Variants in PCBP3 observed in about 807,000 individuals in gnomAD.
PCBP3 encodes poly(rC) binding protein 3, also known as poly(rC)-binding protein 3.
A neutral mutation model predicts 52.7 loss-of-function variants in PCBP3; 25 were observed. The observed-to-expected ratio is 0.47, with a 90% CI of 0.35 to 0.66. The LOEUF is 0.66. Ranked by LOEUF, PCBP3 falls within the 30% of genes least tolerant of loss-of-function variation. The pLI is 0.01. For synonymous variants in PCBP3, 162 were observed against 183.0 expected (o/e 0.89, Z 0.93); for missense variants, 391 against 490.3 (o/e 0.80, Z 1.91).
At chr21:45,882,130 A>G (rs777492551) in intron 5 of PCBP3, among the ~76,000 whole-genome samples, 11 of 152,144 alleles carry the variant, frequency 7.2e-5, no homozygotes, top group Non-Finnish European at 1.6e-4. Context: ...TAATGACTGT[A>G]CTAAGTTTCC....
At chr21:45,645,709 G>T (rs902619126) in intron 1 of PCBP3, among the ~76,000 whole-genome samples, 1 of 152,190 alleles carries the variant, frequency 6.6e-6, no homozygotes, top group African/African-American at 2.4e-5. Flanking sequence ...TAGCTATTCA[G>T]ATTTGGATTC....
rs1194455480 is a variant in PCBP3, at chr21:45,821,581, C to G, written c.-125-28380C>G. 6.6e-6 allele frequency among the ~76,000 whole-genome samples: 1 copy of G among 152,056 alleles called. No individual in the cohort carries two copies. The highest frequency in any genetic ancestry group is 1.5e-5 in the Non-Finnish European group (1 of 67,996). On this transcript the variant is annotated intron_variant, in intron 4 of 17. Coordinates refer to ENST00000681687, the MANE Select transcript of PCBP3 (RefSeq NM_001384156.1). The surrounding 1 kb of genome is among the most constrained non-coding windows in gnomAD (Gnocchi z 4.4). ...GTGGGCCCCGCCCCCTCCCCTAACT[C>G]ATTTCTAGAACTCTCTTCCTCACCT...
At chr21:45,839,915 G>C (rs2093663965) in intron 4 of PCBP3, among the ~76,000 whole-genome samples, 1 of 151,972 alleles carries the variant, frequency 6.6e-6, no homozygotes, top group African/African-American at 2.4e-5. Context: ...TCAAACTCCT[G>C]ACCTCAAGTG....
rs987466643 is a variant in PCBP3, at chr21:45,656,807, A to G, written c.-278-12067A>G. Among the ~76,000 whole-genome samples the G allele has an allele frequency of 1.3e-5, 2 of 151,784 alleles. No individual in the cohort carries two copies. The highest frequency in any genetic ancestry group is 6.6e-5 in the Admixed American group (1 of 15,232). On this transcript the variant is annotated intron_variant, in intron 1 of 17. Transcript: ENST00000681687. The surrounding 1 kb of genome is among the most constrained non-coding windows in gnomAD (Gnocchi z 4.3). ...TGCAAATATTTTCCCTCCAACTGTG[A>G]GTAGTCTTTTCATTTTCTTTTCTTT...
chr21:45,910,704 A>G (rs984513121), intron 10 of PCBP3, among the ~76,000 whole-genome samples, 198 bp from the exon 11 acceptor site: 2 of 151,708 alleles, frequency 1.3e-5, no homozygotes, highest in Non-Finnish European at 2.9e-5. Context: ...GGGAAGGCAC[A>G]GGGCCGGGTG....
At chr21:45,651,925 A>T (rs2079541657) in intron 1 of PCBP3, among the ~76,000 whole-genome samples, 1 of 152,130 alleles carries the variant, frequency 6.6e-6, no homozygotes, top group South Asian at 2.1e-4. Flanking sequence ...TGTTTTCTTA[A>T]CCCTGTTTGC....
chr21:45,764,906 G>A (rs1223263624), intron 4 of PCBP3, among the ~76,000 whole-genome samples: 1 of 152,310 alleles, frequency 6.6e-6, no homozygotes, highest in Non-Finnish European at 1.5e-5. Flanking sequence ...GCTCTTGGAA[G>A]GGGGGAGGTC....
At chr21:45,870,758 CTT>C (rs1459075104) in intron 5 of PCBP3, 1 of 152,662 alleles carries the variant, frequency 6.6e-6, no homozygotes, top group African/African-American at 2.4e-5. Flanking sequence ...CCTCTGGCCT[CTT>C]TCCCCAGCTG....
chr21:45,930,710 A>G (rs762172349), intron 14 of PCBP3, 76 bp from the exon 15 acceptor site: 1 of 738,068 alleles, frequency 1.4e-6, no homozygotes, highest in African/African-American at 1.7e-5. Context: ...TCATATTTTG[A>G]GCTTCCCTAG....
intron 1 of PCBP3, among the ~76,000 whole-genome samples, chr21:45,646,293 G>A (rs1463944010): frequency 2.0e-5 from 3 of 151,976 alleles, no homozygotes; most frequent in African/African-American, 7.3e-5. Flanking sequence ...TCTTTTTAAG[G>A]AGGATAATTA....
At chr21:45,863,569 G>C (rs1315977472) in intron 5 of PCBP3, among the ~76,000 whole-genome samples, 1 of 152,242 alleles carries the variant, frequency 6.6e-6, no homozygotes, top group African/African-American at 2.4e-5. Flanking sequence ...GGTCACATGT[G>C]CCTGGCCCAT....
intron 5 of PCBP3, among the ~76,000 whole-genome samples, chr21:45,892,148 G>T (rs57294193): frequency 6.6e-6 from 1 of 152,068 alleles, no homozygotes; most frequent in African/African-American, 2.4e-5. Flanking sequence ...TAGCAGGACC[G>T]CGGCGTCCTT....
intron 2 of PCBP3, among the ~76,000 whole-genome samples, chr21:45,678,853 T>C (rs999375759): frequency 2.0e-4 from 30 of 151,958 alleles, no homozygotes; most frequent in African/African-American, 6.5e-4. Context: ...AGTTATACCA[T>C]GGTGAAAGGC....
At chr21:45,876,130 G>A (rs2095250929) in intron 5 of PCBP3, among the ~76,000 whole-genome samples, 1 of 152,218 alleles carries the variant, frequency 6.6e-6, no homozygotes, top group Admixed American at 6.5e-5. Context: ...CCAGGGCACC[G>A]ATGGAGCGGT....
chr21:45,705,547 C>A (rs1461370418), intron 2 of PCBP3, among the ~76,000 whole-genome samples: 1 of 152,192 alleles, frequency 6.6e-6, no homozygotes, highest in Non-Finnish European at 1.5e-5. Flanking sequence ...CCTGGCTTGA[C>A]CTGCTTAAGG....
intron 9 of PCBP3, among the ~76,000 whole-genome samples, chr21:45,906,631 C>A (rs1378972751): frequency 2.0e-5 from 3 of 152,040 alleles, no homozygotes; most frequent in African/African-American, 7.2e-5. Flanking sequence ...GCGTCAAGAC[C>A]CTTACCCGGA....
At chr21:45,921,958 A>T (rs1484911967) in intron 13 of PCBP3, among the ~76,000 whole-genome samples, 1 of 152,184 alleles carries the variant, frequency 6.6e-6, no homozygotes, top group African/African-American at 2.4e-5. Context: ...AGAGGCACAG[A>T]GCTGCTCGAC....
chr21:45,669,801 GTGTGTATATATATA>G (rs1186431365), intron 2 of PCBP3, among the ~76,000 whole-genome samples: 54 of 69,044 alleles, frequency 7.8e-4, no homozygotes, highest in Middle Eastern at 8.5e-3. Context: ...GTGTGTGTGT[GTGTGTATATATATA>G]TATATATATA....
chr21:45,897,392 A>G (rs2095860806), intron 6 of PCBP3, among the ~76,000 whole-genome samples: 2 of 152,154 alleles, frequency 1.3e-5, no homozygotes, highest in African/African-American at 4.8e-5. Flanking sequence ...TGGAGCACCC[A>G]TGCCTTGGTC....
Sources: gnomAD v4.1 joint callset for allele counts (sites outside exome capture counted in the v4.1 genomes callset) on GRCh38, gnomAD v4.1.1 for gene constraint, Gnocchi (gnomAD v3.1) non-coding constraint, MANE v1.5 for transcripts, NCBI Gene and HGNC (gene_info 2026-07-23, HGNC 2026-07-21) for gene names.